Variants in BTBD16 observed in about 807,000 individuals in gnomAD.
The protein encoded by BTBD16 is BTB/POZ domain-containing protein 16.
Under a neutral mutation model 67.4 loss-of-function variants are expected in BTBD16, and 66 were observed. The ratio of observed to expected loss-of-function variants is 0.98; its 90% CI spans 0.80 to 1.20. The LOEUF (loss-of-function observed/expected upper bound fraction) is 1.20, where lower values mean the gene tolerates loss of function less well. Among genes scored for constraint, BTBD16 ranks in the 50% most tolerant of loss-of-function variants. The pLI is 0.00. For missense variants in BTBD16, 634 were observed against 616.0 expected (o/e 1.03, Z -0.31); for synonymous variants, 242 against 236.4 (o/e 1.02, Z -0.22).
chr10:122,290,757 C>A (rs1234057694), intron 6 of BTBD16, among the ~76,000 whole-genome samples: 1 of 152,174 alleles, frequency 6.6e-6, no homozygotes, highest in African/African-American at 2.4e-5. Flanking sequence ...AAATTCTACA[C>A]CTATATGGGC....
chr10:122,307,037 A>C (rs940353433), intron 9 of BTBD16, 152 bp from the exon 10 acceptor site: 4 of 779,656 alleles, frequency 5.1e-6, no homozygotes, highest in Non-Finnish European at 3.9e-6. Flanking sequence ...AGTGGCCTTG[A>C]GTAAGCTGTT....
At chr10:122,324,353 G>A (rs962098715) in intron 10 of BTBD16, among the ~76,000 whole-genome samples, 26 of 152,296 alleles carry the variant, frequency 1.7e-4, no homozygotes, top group African/African-American at 6.0e-4. Context: ...GAGCTTCCCT[G>A]CCATGCCCTG....
At chr10:122,322,500 T>C (rs920440174) in intron 10 of BTBD16, among the ~76,000 whole-genome samples, 1 of 152,096 alleles carries the variant, frequency 6.6e-6, no homozygotes, top group Non-Finnish European at 1.5e-5. Flanking sequence ...TCTGGTGATA[T>C]CAAGAAGATG....
rs1554885565 is a variant in BTBD16 at position 122,273,221 on chromosome 10, G to GATTATATATATATATAT, written c.-43+1709_-43+1710insTATATATATATATATAT. Reference sequence around the variant, plus strand: ...ATAGAAATAAAAACAGCAACACAAAGATATATATATATATATATATATATA... The same window carrying GATTATATATATATATAT: ...ATAGAAATAAAAACAGCAACACAAAGATTATATATATATATATATATATATATATATATATATATATA... On this transcript the variant is annotated intron_variant, in intron 1 of 15. Coordinates refer to ENST00000260723, the MANE Select transcript of BTBD16 (RefSeq NM_144587.5). 3.1e-5 allele frequency among the ~76,000 whole-genome samples: 4 copies of GATTATATATATATATAT among 129,470 alleles called. No individual in the cohort carries two copies. In the East Asian group the frequency reaches 6.7e-4, roughly 22 times the overall value. 84.9% of individuals were successfully genotyped at this position (129,470 alleles called of 152,430 possible).
intron 7 of BTBD16, chr10:122,295,407 G>T (rs917762789): frequency 1.6e-5 from 16 of 985,310 alleles, no homozygotes; most frequent in Non-Finnish European, 1.8e-5. Context: ...GATGAGCCCA[G>T]GTTATGCAGG....
At chr10:122,275,728 T>C (rs2096339169) in intron 2 of BTBD16, among the ~76,000 whole-genome samples, 1 of 152,212 alleles carries the variant, frequency 6.6e-6, no homozygotes, top group African/African-American at 2.4e-5. Flanking sequence ...TTTTCCTTGC[T>C]AGGTTGCTTT....
At chr10:122,301,985 A>G (rs2096394855) in intron 9 of BTBD16, among the ~76,000 whole-genome samples, 2 of 152,206 alleles carry the variant, frequency 1.3e-5, no homozygotes, top group Admixed American at 6.5e-5. Context: ...CCAAGGAGTC[A>G]CGTGGCCCCG....
At chr10:122,328,852 G>A (rs10736312) in intron 10 of BTBD16, 493,820 of 984,290 alleles carry the variant, frequency 0.5, 125,084 homozygotes, top group East Asian at 0.86. Flanking sequence ...CTTCAGCTCC[G>A]TGAGGAAGTT....
chr10:122,296,183 A>C (rs1393816427), intron 7 of BTBD16, among the ~76,000 whole-genome samples: 3 of 152,158 alleles, frequency 2.0e-5, no homozygotes, highest in Non-Finnish European at 4.4e-5. Context: ...AAAACTGTGG[A>C]TGTCTTCAGC....
intron 9 of BTBD16, among the ~76,000 whole-genome samples, chr10:122,306,797 A>G (rs2096404464): frequency 6.6e-6 from 1 of 152,258 alleles, no homozygotes; most frequent in Admixed American, 6.5e-5. Context: ...ATGTAGGGTT[A>G]ATCTCAATTT....
intron 10 of BTBD16, among the ~76,000 whole-genome samples, chr10:122,324,512 G>C (rs529418261): frequency 6.6e-6 from 1 of 152,346 alleles, no homozygotes; most frequent in East Asian, 1.9e-4. Flanking sequence ...GGCAACCCTG[G>C]TGTGTCAACA....
At chr10:122,285,289 C>T (rs1030033881) in intron 4 of BTBD16, among the ~76,000 whole-genome samples, 5 of 152,182 alleles carry the variant, frequency 3.3e-5, no homozygotes, top group South Asian at 2.1e-4. Flanking sequence ...CCTCACCTGG[C>T]CTGGCATCCT....
chr10:122,324,763 C>T (rs183116777), intron 10 of BTBD16, among the ~76,000 whole-genome samples: 1 of 152,294 alleles, frequency 6.6e-6, no homozygotes, highest in African/African-American at 2.4e-5. Flanking sequence ...ACCTGAGTCT[C>T]TCTTGTTCTC....
intron 10 of BTBD16, among the ~76,000 whole-genome samples, chr10:122,313,777 A>C (rs2096418838): frequency 6.6e-6 from 1 of 152,338 alleles, no homozygotes; most frequent in South Asian, 2.1e-4. Context: ...TGGAAAGGCC[A>C]TGCTTTGCTC....
At chr10:122,317,929 G>A (rs2142111751) in intron 10 of BTBD16, among the ~76,000 whole-genome samples, 1 of 152,194 alleles carries the variant, frequency 6.6e-6, no homozygotes, top group African/African-American at 2.4e-5. Context: ...AAGATTAAAA[G>A]TATATAATAG....
chr10:122,297,822 C>T lies in BTBD16; in HGVS notation c.645C>T (p.Tyr215=), dbSNP rs761412759. The change falls in exon 8 of 16, where the codon TAC becomes TAT. Residue 215 remains tyrosine (Y), a synonymous_variant. Transcript: ENST00000260723. ...RLKPSTIKKF[Y]EAGCKYKEEQ... is the part of the protein sequence containing the mutation. ...AGCCAAGCACCATCAAGAAATTCTA[C>T]GAGGCCGGCTGCAAGGTGAGAACAA... 8.7e-6 allele frequency: 14 copies of T among 1,614,004 alleles called. No homozygotes were observed. Among genetic ancestry groups the T allele is most frequent in the East Asian group, 2.2e-5 (1 of 44,886 alleles).
At chr10:122,275,712 G>A (rs926879653) in intron 2 of BTBD16, among the ~76,000 whole-genome samples, 10 of 152,200 alleles carry the variant, frequency 6.6e-5, no homozygotes, top group African/African-American at 1.7e-4. Flanking sequence ...GTCCCTCCTC[G>A]TGCTTTTTTC....
intron 5 of BTBD16, 134 bp downstream of exon 5, chr10:122,286,382 C>T (rs1182001196): frequency 7.9e-7 from 1 of 1,267,140 alleles, no homozygotes; most frequent in Non-Finnish European, 1.0e-6. Flanking sequence ...AGTGTTATCT[C>T]ATCCCATGAC....
At chr10:122,330,890 A>G (rs939404791) in intron 11 of BTBD16, among the ~76,000 whole-genome samples, 1 of 152,184 alleles carries the variant, frequency 6.6e-6, no homozygotes, top group Non-Finnish European at 1.5e-5. Flanking sequence ...CACCACGCGC[A>G]GCTAGTTTTA....
Sources: gnomAD v4.1 joint callset for allele counts (sites outside exome capture counted in the v4.1 genomes callset) on GRCh38, gnomAD v4.1.1 for gene constraint, MANE v1.5 for transcripts, NCBI Gene and HGNC (gene_info 2026-07-23, HGNC 2026-07-21) for gene names.